The following EXT1 variants were observed in gnomAD, a reference collection of about 807,000 sequenced individuals.
EXT1 encodes the protein exostosin-1.
EXT1 carries 20 observed loss-of-function variants against 82.5 expected under a neutral mutation model. The observed-to-expected ratio is 0.24, with a 90% CI of 0.17 to 0.35. The LOEUF (loss-of-function observed/expected upper bound fraction) is 0.35. EXT1 is among the 10% of genes least tolerant of loss of function. The pLI is 1.00. For synonymous variants in EXT1, 348 were observed against 350.8 expected, an observed-to-expected ratio of 0.99 and a Z score of 0.09; for missense variants, 757 against 936.5, an observed-to-expected ratio of 0.81 and a Z score of 2.50.
intron 1 of EXT1, among the ~76,000 whole-genome samples, chr8:118,086,106 A>G (rs777000569): frequency 1.1e-4 from 17 of 152,358 alleles, no homozygotes; most frequent in Non-Finnish European, 2.2e-4. Context: ...TTAAAAATAA[A>G]TAAATGAATA....
chr8:117,989,805 T>C (rs1815396657), intron 1 of EXT1, among the ~76,000 whole-genome samples: 1 of 152,228 alleles, frequency 6.6e-6, no homozygotes, highest in Admixed American at 6.5e-5. Context: ...AGAGCCCCAC[T>C]GCTTTCTCAC....
chr8:117,946,823 A>G (rs1814399849), intron 1 of EXT1, among the ~76,000 whole-genome samples: 1 of 152,206 alleles, frequency 6.6e-6, no homozygotes, highest in Admixed American at 6.5e-5. Flanking sequence ...TCCTCTGGGG[A>G]AAGTGAAACT....
At chr8:117,889,671 T>A (rs932572918) in intron 1 of EXT1, among the ~76,000 whole-genome samples, 7 of 152,172 alleles carry the variant, frequency 4.6e-5, no homozygotes, top group Non-Finnish European at 1.0e-4. Flanking sequence ...ATATACCTGT[T>A]TTGATATTGC....
At chr8:117,813,068 G>A (rs1483788861) in intron 7 of EXT1, 107 bp from the exon 8 acceptor site, 14 of 856,244 alleles carry the variant, frequency 1.6e-5, no homozygotes, top group East Asian at 2.7e-5. Context: ...TAAAGAATGC[G>A]CTACTATCAT....
At chr8:118,046,292 A>C (rs936029053) in intron 1 of EXT1, among the ~76,000 whole-genome samples, 1 of 152,032 alleles carries the variant, frequency 6.6e-6, no homozygotes, top group African/African-American at 2.4e-5. Context: ...CTTACTATTG[A>C]TGTTTTGGAT....
In EXT1 at chr8:118,062,795, C is replaced by A. The variant is rs17480298; in HGVS notation, c.962+47290G>T. 5.7e-4 allele frequency among the ~76,000 whole-genome samples: 87 copies of A among 152,274 alleles called. 1 individual carries two copies. The East Asian group carries it at 0.015, about 26-fold the overall frequency. On this transcript the variant is annotated intron_variant, in intron 1 of 10. Coordinates refer to ENST00000378204, the MANE Select transcript of EXT1 (RefSeq NM_000127.3). ...TAGACAGAGTTGTTCTATATGTGGA[C>A]TGAACAAAGCAAGGAAACTGCATGC... is the stretch of plus-strand genomic sequence containing the variant.
Position 117,804,780 on chromosome 8 carries a change from T to C in EXT1, c.1997A>G (p.Lys666Arg). 1 of 1,614,126 alleles carries C rather than the reference T, an allele frequency of 6.2e-7. No homozygotes were observed. The highest frequency in any genetic ancestry group is 2.2e-5 in the East Asian group (1 of 44,872). The change falls in exon 10 of 11, where the codon AAA (lysine) becomes AGA (arginine). Residue 666 changes from lysine to arginine, a missense_variant. Physicochemically the swap from Lys to Arg is conservative, Grantham distance 26. This residue lies in a region of EXT1 where 128 missense variants were observed against 223.2 expected (regional missense o/e 0.57). Transcript: ENST00000378204. Reference sequence around the variant, plus strand: ...CTGGGTCACTTTGATTGGAGGCAATTTTGTCACAGCAGACACCAGGAAGTT... The same window carrying C: ...CTGGGTCACTTTGATTGGAGGCAATCTTGTCACAGCAGACACCAGGAAGTT... ...LMNFLVSAVTKLPPIKVTQKK... is the reference protein window; with the variant it reads ...LMNFLVSAVTRLPPIKVTQKK...
chr8:118,080,689 G>A (rs1388876203), intron 1 of EXT1, among the ~76,000 whole-genome samples: 6 of 152,018 alleles, frequency 3.9e-5, no homozygotes, highest in East Asian at 1.9e-4. Flanking sequence ...TTTTGCCACC[G>A]AAAGAACCTG....
chr8:117,856,271 G>GA (rs1045603762), intron 1 of EXT1, among the ~76,000 whole-genome samples: 7 of 150,116 alleles, frequency 4.7e-5, no homozygotes, highest in Non-Finnish European at 1.0e-4. Context: ...TTTTTTTGTG[G>GA]GGGGACGGAG....
At chr8:117,971,147 A>G (rs960297360) in intron 1 of EXT1, among the ~76,000 whole-genome samples, 2 of 152,158 alleles carry the variant, frequency 1.3e-5, no homozygotes, top group Non-Finnish European at 1.5e-5. Flanking sequence ...CAGCTTCCCG[A>G]AAGAGCAAAA....
Position 117,895,609 on chromosome 8 carries a change from A to G in EXT1, c.963-58408T>C, listed in dbSNP as rs141837680. Among the ~76,000 whole-genome samples the G allele has an allele frequency of 6.2e-4, 94 of 152,326 alleles. 1 individual carries two copies. The East Asian group carries it at 0.018, about 28-fold the overall frequency. On this transcript the variant is annotated intron_variant, in intron 1 of 10. Coordinates refer to ENST00000378204, the MANE Select transcript of EXT1 (RefSeq NM_000127.3). ...TGTTACTGTCGTTAATTACCTTCCA[A>G]TAATAATGCCAATTACAGAAAATAA...
At chr8:117,818,122 T>C (rs889614446) in intron 7 of EXT1, among the ~76,000 whole-genome samples, 3 of 152,216 alleles carry the variant, frequency 2.0e-5, no homozygotes, top group African/African-American at 7.2e-5. Flanking sequence ...GCTCCTGACT[T>C]TATTTAATCC....
At chr8:117,981,615 T>C (rs1387779757) in intron 1 of EXT1, among the ~76,000 whole-genome samples, 1 of 151,838 alleles carries the variant, frequency 6.6e-6, no homozygotes, top group Non-Finnish European at 1.5e-5. Context: ...CCATGGGAGA[T>C]CCCTCCCTCT....
chr8:117,807,079 C>A, intron 9 of EXT1, 138 bp downstream of exon 9: 1 of 983,918 alleles, frequency 1.0e-6, no homozygotes, highest in South Asian at 1.3e-5. Context: ...ACATTTGACA[C>A]ATCAGCAAAA....
intron 1 of EXT1, among the ~76,000 whole-genome samples, chr8:117,878,343 A>T (rs1221007841): frequency 6.6e-6 from 1 of 152,232 alleles, no homozygotes; most frequent in Non-Finnish European, 1.5e-5. Context: ...AGGCAGAAAA[A>T]GGAATGTGAT....
chr8:118,007,153 T>G (rs1034866858), intron 1 of EXT1, among the ~76,000 whole-genome samples: 3 of 151,990 alleles, frequency 2.0e-5, no homozygotes, highest in Admixed American at 6.6e-5. Context: ...AAAAATTAGC[T>G]GGGCGTGTTG....
intron 3 of EXT1, among the ~76,000 whole-genome samples, chr8:117,830,751 T>C (rs936435335): frequency 2.0e-5 from 3 of 152,220 alleles, no homozygotes; most frequent in African/African-American, 7.2e-5. Flanking sequence ...ACTTCTATGA[T>C]TGGTCACCCC....
In EXT1 at chr8:117,981,886, CAGAA is replaced by C. The variant is rs1815211810; in HGVS notation, c.962+128195_962+128198del. ...GAGCAAGACTGAAAAAAAAGGCAGGCAGAAAGAAAGAAAGGAGGGAGAGAAGGAG... is the reference window on the plus strand; with the variant it reads ...GAGCAAGACTGAAAAAAAAGGCAGGCAGAAAGAAAGGAGGGAGAGAAGGAG... On this transcript the variant is annotated intron_variant, in intron 1 of 10. Transcript: ENST00000378204. Among the ~76,000 whole-genome samples, 9 of 151,306 alleles carry C rather than the reference CAGAA, an allele frequency of 5.9e-5. No homozygotes were observed. In the South Asian group the frequency reaches 1.9e-3, roughly 32 times the overall value.
chr8:118,098,752 C>T (rs1239292360), intron 1 of EXT1, among the ~76,000 whole-genome samples: 1 of 95,768 alleles, frequency 1.0e-5, no homozygotes, highest in African/African-American at 3.4e-5. Context: ...GAGCAAGACT[C>T]TGTCTCAAAA....
Sources: gnomAD v4.1 joint callset for allele counts (sites outside exome capture counted in the v4.1 genomes callset) on GRCh38, gnomAD v4.1.1 for gene constraint, gnomAD v4.1.1 regional missense constraint, MANE v1.5 for transcripts, NCBI Gene and HGNC (gene_info 2026-07-23, HGNC 2026-07-21) for gene names.